BCL11A: variants seen among roughly 807,000 people sequenced by gnomAD.
BCL11A encodes the protein B cell CLL/lymphoma 11A.
A neutral mutation model predicts 55.9 loss-of-function variants in BCL11A; 2 were observed. That is an observed-to-expected ratio of 0.04 (90% CI 0.01 to 0.11). The LOEUF (loss-of-function observed/expected upper bound fraction) is 0.11. Among genes scored for constraint, BCL11A ranks in the 10% least tolerant of loss-of-function variants. BCL11A has a pLI of 1.00. For synonymous variants in BCL11A, 465 were observed against 473.4 expected, an observed-to-expected ratio of 0.98 and a Z score of 0.23; for missense variants, 817 against 1,137.1, an observed-to-expected ratio of 0.72 and a Z score of 4.05.
chr2:60,460,762 C>G lies in BCL11A; in HGVS notation c.2150G>C (p.Gly717Ala). Residue 717 changes from glycine to alanine, a missense_variant, in exon 4 of 4, where the codon GGA becomes GCA. Gly to Ala is a moderately conservative substitution (Grantham distance 60, BLOSUM62 0). This residue lies in a region of BCL11A where 379 missense variants were observed against 425.3 expected (regional missense o/e 0.89). Transcript: ENST00000642384. ...DGGISGRSGT[G>A]SGGSTPHISG... is the part of the protein sequence containing the mutation. ...AATATGGGGCGTGCTCCCTCCACTT[C>G]CCGTGCCGCTGCGCCCCGAGATCCC... The G allele has an allele frequency of 6.2e-7, 1 of 1,613,840 alleles. No homozygotes were observed. The highest frequency in any genetic ancestry group is 8.5e-7 in the Non-Finnish European group (1 of 1,180,046).
intron 2 of BCL11A, among the ~76,000 whole-genome samples, chr2:60,499,493 T>C (rs1341354192): frequency 1.3e-5 from 2 of 152,182 alleles, no homozygotes; most frequent in Non-Finnish European, 2.9e-5. Flanking sequence ...CTGATTGACT[T>C]GTCCGGGGCC....
At chr2:60,490,264 G>T (rs13031396) in intron 2 of BCL11A, among the ~76,000 whole-genome samples, 26,764 of 152,032 alleles carry the variant, frequency 0.18, 2,929 homozygotes, top group Non-Finnish European at 0.25. Flanking sequence ...CACCCCCTTT[G>T]CAGAGTCCTC....
intron 3 of BCL11A, among the ~76,000 whole-genome samples, chr2:60,463,438 G>A (rs1468816142): frequency 6.6e-6 from 1 of 152,182 alleles, no homozygotes; most frequent in Non-Finnish European, 1.5e-5. Flanking sequence ...AACATCCTGC[G>A]CCCTCGGCTG....
Position 60,529,799 on chromosome 2 carries a change from G to T in BCL11A, c.385+16172C>A, listed in dbSNP as rs1197002689. Among the ~76,000 whole-genome samples, 4 of 152,252 alleles carry T rather than the reference G, an allele frequency of 2.6e-5. No individual in the cohort carries two copies. In the East Asian group the frequency reaches 5.8e-4, roughly 22 times the overall value. On this transcript the variant is annotated intron_variant, in intron 2 of 3. Coordinates refer to ENST00000642384, the MANE Select transcript of BCL11A (RefSeq NM_022893.4). ...ATGGTGCCTTTTCAAGTCTATGATG[G>T]GAAAAATATTTTTTATTGTGTGAAT...
At chr2:60,473,984 T>C (rs928380405) in intron 2 of BCL11A, among the ~76,000 whole-genome samples, 5 of 152,242 alleles carry the variant, frequency 3.3e-5, no homozygotes, top group Non-Finnish European at 7.3e-5. Context: ...TTATAGACAC[T>C]ACAATATAGA....
rs965655681 is a variant in BCL11A, at chr2:60,546,513, A to G, written c.56-213T>C. The G allele has an allele frequency of 1.8e-5, 10 of 559,786 alleles. No homozygotes were observed. The highest frequency in any genetic ancestry group is 3.2e-5 in the Non-Finnish European group (10 of 314,226). 34.7% of individuals were successfully genotyped at this position (559,786 alleles called of 1,614,324 possible). On this transcript the variant is annotated intron_variant, in intron 1 of 3. Coordinates refer to ENST00000642384, the MANE Select transcript of BCL11A (RefSeq NM_022893.4). The surrounding 1 kb of genome is among the most constrained non-coding windows in gnomAD (Gnocchi z 4.1). ...ATTTGTCAATGAGGCAAATCATCACATATGTAAAGAAAACAGTCTTCCTTG... is the reference window on the plus strand; with the variant it reads ...ATTTGTCAATGAGGCAAATCATCACGTATGTAAAGAAAACAGTCTTCCTTG...
chr2:60,517,695 C>T (rs958974746), intron 2 of BCL11A, among the ~76,000 whole-genome samples: 1 of 152,242 alleles, frequency 6.6e-6, no homozygotes, highest in Admixed American at 6.5e-5. Flanking sequence ...TGGGAAGCCC[C>T]AGGCTCTGGG....
chr2:60,531,160 A>G (rs1176140233), intron 2 of BCL11A, among the ~76,000 whole-genome samples: 1 of 151,412 alleles, frequency 6.6e-6, no homozygotes, highest in Non-Finnish European at 1.5e-5. Flanking sequence ...CAGAAATTAG[A>G]GAAAAAAAAA....
intron 1 of BCL11A, among the ~76,000 whole-genome samples, chr2:60,547,277 T>C (rs1040127402): frequency 3.3e-5 from 5 of 152,218 alleles, no homozygotes; most frequent in African/African-American, 1.2e-4. Context: ...CAAAGTGGAC[T>C]AATTTTCTGA....
downstream of BCL11A, chr2:60,452,628 C>A: frequency 6.2e-7 from 1 of 1,613,986 alleles, no homozygotes. Flanking sequence ...ACATCTTGAG[C>A]TCTCTGGGTA....
intron 2 of BCL11A, among the ~76,000 whole-genome samples, chr2:60,513,412 G>A (rs570759953): frequency 6.6e-6 from 1 of 152,314 alleles, no homozygotes; most frequent in South Asian, 2.1e-4. Context: ...CCCCACTTGA[G>A]GCTGTCCACA....
At position 60,485,749 on chromosome 2, in the gene BCL11A, A is replaced by C. The variant is rs375086004; in HGVS notation, c.386-16916T>G. ...TCAAACACAGTCTATAAATACCAGC[A>C]ATGCCCCTTGTGAACTACGGGCTGA... On this transcript the variant is annotated intron_variant, in intron 2 of 3. Coordinates refer to ENST00000642384, the MANE Select transcript of BCL11A (RefSeq NM_022893.4). Among the ~76,000 whole-genome samples, 8 of 152,278 alleles carry C rather than the reference A, an allele frequency of 5.3e-5. No homozygotes were observed. The South Asian group carries it at 1.4e-3, about 28-fold the overall frequency.
rs1279336671 is a variant in BCL11A, at chr2:60,468,802, G to A, written c.417C>T (p.Ser139=). The part of the protein sequence containing the change: ...DKLLHWRGLS[S]PRSAHGALIP... The stretch of plus-strand genomic sequence containing the variant: ...TTAGAGCTCCATGTGCAGAACGAGG[G>A]GAGGAGAGGCCCCTCCAGTGCAGAA... The change falls in exon 3 of 4, where the codon TCC becomes TCT. Residue 139 remains serine (S), a synonymous_variant. Transcript: ENST00000642384. 6.2e-7 allele frequency: 1 copy of A among 1,608,200 alleles called. No individual in the cohort carries two copies. Among genetic ancestry groups the A allele is most frequent in the Non-Finnish European group, 8.5e-7 (1 of 1,178,612 alleles).
Position 60,502,771 on chromosome 2 carries a change from C to T in BCL11A, c.386-33938G>A, listed in dbSNP as rs962194897. ...TGGTAGCACAGTAGAGCAGAAAGAG[C>T]ACTCAATTGGTGATCAAAAGAAATA... On this transcript the variant is annotated intron_variant, in intron 2 of 3. Transcript: ENST00000642384. Among the ~76,000 whole-genome samples the T allele has an allele frequency of 2.0e-5, 3 of 152,192 alleles. No individual in the cohort carries two copies. The South Asian group carries it at 6.2e-4, about 31-fold the overall frequency.
chr2:60,468,059 A>ATGGTGGTGGTGG (rs1263530622), intron 3 of BCL11A, among the ~76,000 whole-genome samples: 26 of 77,052 alleles, frequency 3.4e-4, no homozygotes, highest in South Asian at 4.6e-4. Context: ...ACTGGTGGTG[A>ATGGTGGTGGTGG]TGGTGGTGGT....
rs545256553 is a variant in BCL11A, at chr2:60,516,718, C to G, written c.385+29253G>C. 4.2e-4 allele frequency among the ~76,000 whole-genome samples: 64 copies of G among 152,274 alleles called. No homozygotes were observed. The South Asian group carries it at 5.6e-3, about 13-fold the overall frequency. ...GATGGCTGACAAAGATCTAGCATTCCTAGTGGACACCAAGCTGAGCATGAG... is the reference window on the plus strand; with the variant it reads ...GATGGCTGACAAAGATCTAGCATTCGTAGTGGACACCAAGCTGAGCATGAG... On this transcript the variant is annotated intron_variant, in intron 2 of 3. Coordinates refer to ENST00000642384, the MANE Select transcript of BCL11A (RefSeq NM_022893.4).
intron 2 of BCL11A, chr2:60,535,834 T>C (rs1318516422): frequency 1.3e-5 from 2 of 152,250 alleles, no homozygotes; most frequent in African/African-American, 2.4e-5. Flanking sequence ...AAAGTTGTGG[T>C]GTCCACCCAC....
At chr2:60,520,187 G>A (rs1668916955) in intron 2 of BCL11A, among the ~76,000 whole-genome samples, 1 of 152,068 alleles carries the variant, frequency 6.6e-6, no homozygotes, top group South Asian at 2.1e-4. Context: ...AAAAATAATT[G>A]CAAAATTATT....
intron 2 of BCL11A, among the ~76,000 whole-genome samples, chr2:60,481,072 C>A (rs1302252868): frequency 6.6e-6 from 1 of 152,152 alleles, no homozygotes; most frequent in Non-Finnish European, 1.5e-5. Context: ...CTGCAGCCAC[C>A]CACACCTTGT....
Sources: gnomAD v4.1 joint callset for allele counts (sites outside exome capture counted in the v4.1 genomes callset) on GRCh38, gnomAD v4.1.1 for gene constraint, gnomAD v4.1.1 regional missense constraint, Gnocchi (gnomAD v3.1) non-coding constraint, MANE v1.5 for transcripts, NCBI Gene and HGNC (gene_info 2026-07-23, HGNC 2026-07-21) for gene names.